Variants in TANC1 observed in about 807,000 individuals in gnomAD.
The protein encoded by TANC1 is protein TANC1.
In TANC1, 77 loss-of-function variants were observed where a neutral mutation model predicts 149.7. The ratio of observed to expected loss-of-function variants is 0.51; its 90% CI spans 0.43 to 0.62. The LOEUF (loss-of-function observed/expected upper bound fraction) is 0.62, where lower values mean the gene tolerates loss of function less well. TANC1 is among the 20% of genes least tolerant of loss of function. The probability of loss-of-function intolerance (pLI) is 0.00; values close to 1 mark genes in which losing one functional copy is unlikely to be tolerated. For synonymous variants in TANC1, 854 were observed against 925.0 expected (o/e 0.92, Z 1.39); for missense variants, 1,985 against 2,321.8 (o/e 0.85, Z 2.98).
chr2:159,007,291 C>A (rs2037304163), intron 2 of TANC1, among the ~76,000 whole-genome samples: 1 of 152,104 alleles, frequency 6.6e-6, no homozygotes. Context: ...GGATTACAGG[C>A]TTGCGCCACC....
intron 3 of TANC1, among the ~76,000 whole-genome samples, chr2:159,086,173 A>G (rs2044827997): frequency 6.6e-6 from 1 of 152,052 alleles, no homozygotes; most frequent in African/African-American, 2.4e-5. Context: ...TGTGAAAAAA[A>G]TGTGGAGTTC....
rs530930430 is a variant in TANC1 at position 159,211,703 on chromosome 2, C to T, written c.3245-5794C>T. On this transcript the variant is annotated intron_variant, in intron 19 of 26. Transcript: ENST00000263635. The stretch of plus-strand genomic sequence containing the variant: ...AAAATGGCAGAGCCTCAGGAGTTCG[C>T]CGTGATGGCCCCAGAATACTCAATC... Among the ~76,000 whole-genome samples the T allele has an allele frequency of 3.3e-5, 5 of 152,268 alleles. No individual in the cohort carries two copies. The South Asian group carries it at 1.0e-3, about 32-fold the overall frequency.
At chr2:159,201,534 A>G (rs1055340652) in intron 19 of TANC1, among the ~76,000 whole-genome samples, 1 of 152,172 alleles carries the variant, frequency 6.6e-6, no homozygotes, top group Non-Finnish European at 1.5e-5. Flanking sequence ...TCGTTGCTAT[A>G]GGGACCCACA....
chr2:159,047,196 C>CG (rs2041135840), intron 2 of TANC1, among the ~76,000 whole-genome samples: 1 of 151,056 alleles, frequency 6.6e-6, no homozygotes, highest in Non-Finnish European at 1.5e-5. Flanking sequence ...TTTCCCCCCC[C>CG]CAGTTATTGC....
intron 1 of TANC1, among the ~76,000 whole-genome samples, chr2:158,995,404 C>T (rs1016071591): frequency 1.1e-4 from 16 of 152,244 alleles, no homozygotes; most frequent in East Asian, 3.9e-4. Flanking sequence ...AATGTGAAAA[C>T]GTTAATCTTT....
At chr2:159,059,340 A>C (rs1052811276) in intron 2 of TANC1, among the ~76,000 whole-genome samples, 8 of 152,142 alleles carry the variant, frequency 5.3e-5, no homozygotes, top group Non-Finnish European at 8.8e-5. Context: ...CTCCATCTCT[A>C]TGAAAAAATA....
At chr2:159,017,849 A>G (rs981697553) in intron 2 of TANC1, among the ~76,000 whole-genome samples, 2 of 152,170 alleles carry the variant, frequency 1.3e-5, no homozygotes, top group African/African-American at 4.8e-5. Context: ...TATTCTGCAC[A>G]TGTATCCCAG....
chr2:159,124,893 C>T (rs921666916), intron 4 of TANC1, among the ~76,000 whole-genome samples: 1 of 130,832 alleles, frequency 7.6e-6, no homozygotes, highest in South Asian at 2.9e-4. Context: ...AGGCACGCAC[C>T]ACCATGCCCA....
chr2:159,041,775 C>G (rs1432537076), intron 2 of TANC1, among the ~76,000 whole-genome samples: 1 of 151,882 alleles, frequency 6.6e-6, no homozygotes. Flanking sequence ...TTTGGCTTGC[C>G]CTCTGTGGGC....
intron 1 of TANC1, among the ~76,000 whole-genome samples, chr2:158,982,419 T>G (rs2034485991): frequency 6.6e-6 from 1 of 152,250 alleles, no homozygotes; most frequent in Non-Finnish European, 1.5e-5. Context: ...CTCTGGCAAT[T>G]TACTTGACCT....
At chr2:159,210,872 T>C (rs567074197) in intron 19 of TANC1, among the ~76,000 whole-genome samples, 45 of 140,662 alleles carry the variant, frequency 3.2e-4, no homozygotes, top group Non-Finnish European at 5.7e-4. Flanking sequence ...TGCCTGATCT[T>C]TTAATTTTTT....
chr2:159,169,196 G>A (rs1036755907), intron 8 of TANC1, 54 bp from the exon 9 acceptor site: 4 of 1,462,602 alleles, frequency 2.7e-6, no homozygotes, highest in East Asian at 2.3e-5. Context: ...AGTCACTTAG[G>A]TATGAAATTT....
chr2:159,229,047 G>A (rs2150998628), intron 26 of TANC1, 151 bp downstream of exon 26: 1 of 623,404 alleles, frequency 1.6e-6, no homozygotes, highest in East Asian at 2.7e-5. Context: ...CTGCTTCCAA[G>A]AGGCATAGTA....
chr2:159,173,281 G>A (rs376417888), intron 11 of TANC1, among the ~76,000 whole-genome samples: 1 of 152,264 alleles, frequency 6.6e-6, no homozygotes, highest in South Asian at 2.1e-4. Flanking sequence ...GTGTTCCTAA[G>A]TTTATTTTTT....
chr2:159,024,012 T>C lies in TANC1; in HGVS notation c.-16+22823T>C, dbSNP rs532509484. Reference sequence around the variant, plus strand: ...TCAAAAATATACAAGTAATGAGGCATATAACAAACCATCATGTATCTACCA... The same window carrying C: ...TCAAAAATATACAAGTAATGAGGCACATAACAAACCATCATGTATCTACCA... On this transcript the variant is annotated intron_variant, in intron 2 of 26. Coordinates refer to ENST00000263635, the MANE Select transcript of TANC1 (RefSeq NM_033394.3). 1.3e-4 allele frequency among the ~76,000 whole-genome samples: 20 copies of C among 152,088 alleles called. No individual in the cohort carries two copies. In the South Asian group the frequency reaches 4.2e-3, roughly 32 times the overall value.
At chr2:159,161,079 T>G (rs181646422) in intron 7 of TANC1, among the ~76,000 whole-genome samples, 108 of 152,278 alleles carry the variant, frequency 7.1e-4, no homozygotes, top group African/African-American at 2.5e-3. Flanking sequence ...TGACCTGGCC[T>G]TCCCAGCCAT....
At chr2:159,015,589 T>C (rs264615) in intron 2 of TANC1, among the ~76,000 whole-genome samples, 67,397 of 152,024 alleles carry the variant, frequency 0.44, 15,653 homozygotes, top group African/African-American at 0.57. Context: ...CATTGTCAGG[T>C]TGCAAATTTT....
intron 7 of TANC1, among the ~76,000 whole-genome samples, chr2:159,156,320 T>G (rs2053433740): frequency 6.6e-6 from 1 of 152,234 alleles, no homozygotes; most frequent in Non-Finnish European, 1.5e-5. Flanking sequence ...GAATTTTTCT[T>G]TATGTATATA....
At chr2:159,179,870 C>A (rs1312291153) in intron 14 of TANC1, among the ~76,000 whole-genome samples, 1 of 152,118 alleles carries the variant, frequency 6.6e-6, no homozygotes, top group Non-Finnish European at 1.5e-5. Context: ...CAGATGCGTT[C>A]AGATATGTAT....
Sources: gnomAD v4.1 joint callset for allele counts (sites outside exome capture counted in the v4.1 genomes callset) on GRCh38, gnomAD v4.1.1 for gene constraint, MANE v1.5 for transcripts, NCBI Gene and HGNC (gene_info 2026-07-23, HGNC 2026-07-21) for gene names.